The following DLC1 variants were observed in gnomAD, a reference collection of about 807,000 sequenced individuals.
DLC1 encodes the protein rho GTPase-activating protein 7.
A neutral mutation model predicts 140.3 loss-of-function variants in DLC1; 54 were observed. That is an observed-to-expected ratio of 0.38 (90% CI 0.31 to 0.48). DLC1 has a LOEUF of 0.48. Among genes scored for constraint, DLC1 ranks in the 20% least tolerant of loss-of-function variants. The pLI, the probability that DLC1 is intolerant of heterozygous loss-of-function variation, is 0.96. For missense variants in DLC1, 2,536 were observed against 1,907.0 expected (o/e 1.33, Z -6.14); for synonymous variants, 986 against 728.1 (o/e 1.35, Z -5.70).
intron 2 of DLC1, among the ~76,000 whole-genome samples, chr8:13,448,682 G>T (rs545909469): frequency 6.6e-6 from 1 of 152,100 alleles, no homozygotes; most frequent in Non-Finnish European, 1.5e-5. Context: ...TTTAAGAATA[G>T]TGTCTACATT....
chr8:13,570,877 A>G (rs1261572202), intron 1 of DLC1, among the ~76,000 whole-genome samples: 5 of 152,116 alleles, frequency 3.3e-5, no homozygotes, highest in Non-Finnish European at 7.4e-5. Context: ...ATTCAACCTC[A>G]TTCTAGACTA....
At position 13,089,600 on chromosome 8, in the gene DLC1, G is replaced by C. The variant is rs187124939; in HGVS notation, c.4074+652C>G. Reference sequence around the variant, plus strand: ...AGATCATGCCACTGCACTCCAGCCTGGGTGACAGAGCAAGACTCCATCTCA... The same window carrying C: ...AGATCATGCCACTGCACTCCAGCCTCGGTGACAGAGCAAGACTCCATCTCA... On this transcript the variant is annotated intron_variant, in intron 15 of 17. Transcript: ENST00000276297. Among the ~76,000 whole-genome samples, 325 of 152,298 alleles carry C rather than the reference G, an allele frequency of 2.1e-3. 1 individual carries two copies. Among genetic ancestry groups the C allele is most frequent in the African/African-American group, 7.2e-3 (301 of 41,562 alleles).
intron 5 of DLC1, among the ~76,000 whole-genome samples, chr8:13,246,771 T>TA (rs1236961907): frequency 1.3e-5 from 2 of 152,150 alleles, no homozygotes; most frequent in Non-Finnish European, 2.9e-5. Flanking sequence ...TATCTGGAGA[T>TA]AGTCTACAGA....
intron 4 of DLC1, among the ~76,000 whole-genome samples, chr8:13,329,820 C>T (rs1017271272): frequency 6.6e-6 from 1 of 152,084 alleles, no homozygotes; most frequent in Non-Finnish European, 1.5e-5. Context: ...CCTCTCTATA[C>T]CAGTGTGGTA....
chr8:13,453,086 G>A (rs1418271404), intron 2 of DLC1, among the ~76,000 whole-genome samples: 1 of 151,630 alleles, frequency 6.6e-6, no homozygotes, highest in Non-Finnish European at 1.5e-5. Flanking sequence ...TGAGAAATAG[G>A]TAAGTGACTG....
intron 3 of DLC1, among the ~76,000 whole-genome samples, chr8:13,397,441 T>A (rs1837098857): frequency 1.3e-5 from 2 of 152,014 alleles, no homozygotes; most frequent in Non-Finnish European, 2.9e-5. Context: ...GTAAATCACA[T>A]CTGATGCTGT....
At chr8:13,244,487 T>C (rs1424475463) in intron 5 of DLC1, among the ~76,000 whole-genome samples, 1 of 151,838 alleles carries the variant, frequency 6.6e-6, no homozygotes, top group Non-Finnish European at 1.5e-5. Flanking sequence ...TTTATAGAGA[T>C]GGGGTCTTGT....
intron 2 of DLC1, among the ~76,000 whole-genome samples, chr8:13,453,408 A>ATATATATATATATATATGTG (rs1563359524): frequency 3.8e-5 from 2 of 52,346 alleles, no homozygotes; most frequent in Admixed American, 2.8e-4. Context: ...ATATGTGTAT[A>ATATATATATATATATATGTG]TATATATATA....
In DLC1 at chr8:13,101,440, T is replaced by C. The variant is rs74761640; in HGVS notation, c.1567-670A>G. Among the ~76,000 whole-genome samples, 1,471 of 152,320 alleles carry C rather than the reference T, an allele frequency of 9.7e-3. 27 individuals carry two copies. Among genetic ancestry groups the C allele is most frequent in the African/African-American group, 0.034 (1,400 of 41,566 alleles). On this transcript the variant is annotated intron_variant, in intron 8 of 17. Transcript: ENST00000276297. ...AGGACTGCCTCTGGGCTGCCTTCCA[T>C]TGTGCTGTCTTTTGTTGGTGTATGT... is the stretch of plus-strand genomic sequence containing the variant.
chr8:13,148,077 T>C (rs1823562631), intron 5 of DLC1, among the ~76,000 whole-genome samples: 1 of 152,156 alleles, frequency 6.6e-6, no homozygotes, highest in African/African-American at 2.4e-5. Flanking sequence ...ATGTACTGTT[T>C]TGTGTTGTGC....
At chr8:13,540,768 A>G (rs1803456223) in intron 1 of DLC1, among the ~76,000 whole-genome samples, 1 of 152,170 alleles carries the variant, frequency 6.6e-6, no homozygotes, top group Non-Finnish European at 1.5e-5. Flanking sequence ...CATGGCAATC[A>G]CTCATCTGGG....
chr8:13,389,512 C>G (rs927265776), intron 4 of DLC1, among the ~76,000 whole-genome samples: 6 of 151,970 alleles, frequency 3.9e-5, no homozygotes, highest in Admixed American at 3.3e-4. Context: ...CACCATAAGC[C>G]TCTTCTTTTT....
At chr8:13,390,594 A>C (rs1171997933) in intron 4 of DLC1, among the ~76,000 whole-genome samples, 2 of 152,212 alleles carry the variant, frequency 1.3e-5, no homozygotes, top group African/African-American at 4.8e-5. Flanking sequence ...TTCCCACCTT[A>C]AACCTAGATG....
chr8:13,560,980 TA>T (rs1426664138), intron 1 of DLC1, among the ~76,000 whole-genome samples: 1 of 152,162 alleles, frequency 6.6e-6, no homozygotes, highest in East Asian at 1.9e-4. Flanking sequence ...ATATATTTTT[TA>T]ATTAAAAAAA....
intron 1 of DLC1, among the ~76,000 whole-genome samples, chr8:13,556,658 A>G (rs553360659): frequency 5.3e-5 from 8 of 152,284 alleles, no homozygotes; most frequent in African/African-American, 1.9e-4. Flanking sequence ...TGATACAGAC[A>G]TAGGCTGGGC....
intron 2 of DLC1, among the ~76,000 whole-genome samples, chr8:13,479,760 C>G (rs1800602454): frequency 5.7e-5 from 1 of 17,554 alleles, no homozygotes; most frequent in Admixed American, 4.3e-4. Flanking sequence ...CAGCAAGAAT[C>G]TGTCTCAGAA....
intron 4 of DLC1, among the ~76,000 whole-genome samples, chr8:13,390,703 A>G (rs1218694568): frequency 2.0e-5 from 3 of 152,176 alleles, no homozygotes; most frequent in African/African-American, 4.8e-5. Flanking sequence ...TTTAAGAAAA[A>G]CAGGCCAGGT....
intron 1 of DLC1, chr8:13,536,043 C>A (rs914550687): frequency 1.3e-5 from 2 of 152,062 alleles, no homozygotes; most frequent in African/African-American, 4.8e-5. Flanking sequence ...ACGGCCATAC[C>A]ACCCTGAACG....
intron 4 of DLC1, among the ~76,000 whole-genome samples, chr8:13,312,398 T>C (rs1033107260): frequency 1.8e-5 from 2 of 113,312 alleles, no homozygotes; most frequent in Non-Finnish European, 3.8e-5. Flanking sequence ...ATAATTTCTT[T>C]AGCAAGCTAG....
Sources: gnomAD v4.1 joint callset for allele counts (sites outside exome capture counted in the v4.1 genomes callset) on GRCh38, gnomAD v4.1.1 for gene constraint, MANE v1.5 for transcripts, NCBI Gene and HGNC (gene_info 2026-07-23, HGNC 2026-07-21) for gene names.